The following GRAMD1C variants were observed in gnomAD, a reference collection of about 807,000 sequenced individuals.
GRAMD1C encodes GRAM domain containing 1C.
A neutral mutation model predicts 97.8 loss-of-function variants in GRAMD1C; 89 were observed. The observed-to-expected ratio is 0.91, with a 90% CI of 0.77 to 1.09. The LOEUF (loss-of-function observed/expected upper bound fraction) is 1.09. Among genes scored for constraint, GRAMD1C ranks in the 50% least tolerant of loss-of-function variants. The pLI is 0.00. For missense variants in GRAMD1C, 740 were observed against 766.4 expected (o/e 0.97, Z 0.41); for synonymous variants, 256 against 267.0 (o/e 0.96, Z 0.40).
rs1016591424 is a variant in GRAMD1C, at chr3:113,871,403, C to T, written c.259+1812C>T. Among the ~76,000 whole-genome samples, 21 of 151,898 alleles carry T rather than the reference C, an allele frequency of 1.4e-4. No individual in the cohort carries two copies. The Middle Eastern group carries it at 0.014, about 98-fold the overall frequency. ...TTTATTTAGGTTGGGTGTGGTGGCT[C>T]ATGCCTGTAATCCCAACACTTTGGG... On this transcript the variant is annotated intron_variant, in intron 3 of 17. Coordinates refer to ENST00000358160, the MANE Select transcript of GRAMD1C (RefSeq NM_017577.5).
Position 113,934,468 on chromosome 3 carries a change from G to T in GRAMD1C, c.1389G>T (p.Trp463Cys). ...ATTTGAAATACAGAAAACAGCCATG[G>T]GGCCTTGTCAAATCTTTAATTGAAA... is the stretch of plus-strand genomic sequence containing the variant. ...STDLKYRKQP[W>C]GLVKSLIEKN... is the part of the protein sequence containing the mutation. The change falls in exon 13 of 18, where the codon TGG becomes TGT. Residue 463 changes from tryptophan (W) to cysteine (C), a missense_variant. Coordinates refer to ENST00000358160, the MANE Select transcript of GRAMD1C (RefSeq NM_017577.5). 1 of 1,579,956 alleles carries T rather than the reference G, an allele frequency of 6.3e-7. No homozygotes were observed. The highest frequency in any genetic ancestry group is 1.7e-5 in the Admixed American group (1 of 57,920).
intron 6 of GRAMD1C, chr3:113,885,340 G>C (rs1037169633): frequency 1.3e-6 from 2 of 1,591,590 alleles, no homozygotes; most frequent in African/African-American, 1.3e-5. Flanking sequence ...CACGTTCGTG[G>C]CCTTCGCTGC....
chr3:113,940,184 T>C, intron 16 of GRAMD1C, 56 bp from the exon 17 acceptor site: 1 of 1,097,124 alleles, frequency 9.1e-7, no homozygotes, highest in Admixed American at 1.9e-5. Context: ...TTTCTGGAAA[T>C]GAAAAAAAGA....
intron 6 of GRAMD1C, among the ~76,000 whole-genome samples, chr3:113,899,176 C>G (rs1936049288): frequency 6.6e-6 from 1 of 152,156 alleles, no homozygotes; most frequent in Non-Finnish European, 1.5e-5. Flanking sequence ...GGCTGATAGA[C>G]TACTGACTTC....
intron 2 of GRAMD1C, among the ~76,000 whole-genome samples, chr3:113,867,600 CTTCCT>C (rs1368775758): frequency 6.6e-6 from 1 of 152,178 alleles, no homozygotes; most frequent in Non-Finnish European, 1.5e-5. Context: ...CAGGCTCGGA[CTTCCT>C]TTAGTATTTC....
chr3:113,877,076 G>T (rs955089476), intron 5 of GRAMD1C, among the ~76,000 whole-genome samples: 2 of 152,086 alleles, frequency 1.3e-5, no homozygotes, highest in African/African-American at 4.8e-5. Flanking sequence ...TCGAGCATTT[G>T]GGTCATGCGA....
chr3:113,923,050 T>G, intron 10 of GRAMD1C, among the ~76,000 whole-genome samples: 1 of 152,072 alleles, frequency 6.6e-6, no homozygotes, highest in Non-Finnish European at 1.5e-5. Context: ...ACGAATGGGA[T>G]TGTGATCTCG....
chr3:113,875,277 A>G (rs895957248), intron 3 of GRAMD1C, among the ~76,000 whole-genome samples: 21 of 152,106 alleles, frequency 1.4e-4, no homozygotes, highest in African/African-American at 4.8e-4. Context: ...CTTCCCTTAC[A>G]TTGTGTTCCA....
intron 10 of GRAMD1C, among the ~76,000 whole-genome samples, chr3:113,927,161 T>C (rs116577904): frequency 6.6e-6 from 1 of 151,966 alleles, no homozygotes; most frequent in African/African-American, 2.4e-5. Context: ...TAGTAGGTAG[T>C]GTTTAAGAGT....
chr3:113,840,476 C>T (rs1367562168), intron 1 of GRAMD1C, among the ~76,000 whole-genome samples: 1 of 151,932 alleles, frequency 6.6e-6, no homozygotes, highest in East Asian at 1.9e-4. Flanking sequence ...GTGGCTCATG[C>T]CTGTAATTCT....
At chr3:113,875,093 A>G (rs1162789795) in intron 3 of GRAMD1C, among the ~76,000 whole-genome samples, 2 of 151,960 alleles carry the variant, frequency 1.3e-5, no homozygotes, top group East Asian at 3.9e-4. Context: ...CTGTTCCCTT[A>G]TGATCCTTCT....
At chr3:113,877,482 C>A (rs749258594) in intron 5 of GRAMD1C, among the ~76,000 whole-genome samples, 1 of 152,132 alleles carries the variant, frequency 6.6e-6, no homozygotes, top group Non-Finnish European at 1.5e-5. Flanking sequence ...AGAGCTCTTT[C>A]GTCTTTTCTT....
At chr3:113,851,693 T>G (rs962813944) in intron 2 of GRAMD1C, among the ~76,000 whole-genome samples, 1 of 151,048 alleles carries the variant, frequency 6.6e-6, no homozygotes, top group Non-Finnish European at 1.5e-5. Flanking sequence ...AATTTTTGTA[T>G]TTTTAGTAGA....
upstream of GRAMD1C, among the ~76,000 whole-genome samples, chr3:113,836,627 T>C (rs978587816): frequency 9.3e-5 from 14 of 151,052 alleles, no homozygotes; most frequent in African/African-American, 3.2e-4. Flanking sequence ...TAGCCACAAG[T>C]TATTATTATT....
Position 113,838,834 on chromosome 3 carries a change from C to G in GRAMD1C, c.-76C>G, listed in dbSNP as rs1709687292. The G allele has an allele frequency of 9.1e-7, 1 of 1,098,650 alleles. No individual in the cohort carries two copies. Among genetic ancestry groups the G allele is most frequent in the Non-Finnish European group, 1.2e-6 (1 of 868,676 alleles). The allele number at this position is 1,098,650 out of a possible 1,614,324, so 68.1% of individuals were successfully genotyped here. On this transcript the variant is annotated 5_prime_UTR_variant, in exon 1 of 18. Coordinates refer to ENST00000358160, the MANE Select transcript of GRAMD1C (RefSeq NM_017577.5). ...GGCGCGCGGAGCCTGTAACTCGCAG[C>G]GCGCGCTGGAGGTGGGCGCGGGGCG...
chr3:113,867,702 A>G (rs1388232810), intron 2 of GRAMD1C, among the ~76,000 whole-genome samples: 2 of 151,984 alleles, frequency 1.3e-5, no homozygotes, highest in African/African-American at 4.8e-5. Flanking sequence ...TGATGAGTCA[A>G]TTTTTTTCTT....
intron 10 of GRAMD1C, among the ~76,000 whole-genome samples, chr3:113,922,815 TGTTATTGGTAG>T (rs1431844029): frequency 6.6e-6 from 1 of 152,214 alleles, no homozygotes; most frequent in Non-Finnish European, 1.5e-5. Context: ...CTGTGAAGAA[TGTTATTGGTAG>T]TTTGAGAGGA....
intron 6 of GRAMD1C, among the ~76,000 whole-genome samples, chr3:113,886,611 A>C (rs888770279): frequency 6.6e-6 from 1 of 151,758 alleles, no homozygotes; most frequent in African/African-American, 2.4e-5. Flanking sequence ...TTTAAACCAC[A>C]CATTATAACT....
chr3:113,844,017 T>C (rs747240483), intron 1 of GRAMD1C, among the ~76,000 whole-genome samples: 204 of 152,374 alleles, frequency 1.3e-3, no homozygotes, highest in Non-Finnish European at 2.2e-3. Context: ...ATTGTTCCTC[T>C]AGCAGACTGT....
Sources: gnomAD v4.1 joint callset for allele counts (sites outside exome capture counted in the v4.1 genomes callset) on GRCh38, gnomAD v4.1.1 for gene constraint, MANE v1.5 for transcripts, NCBI Gene and HGNC (gene_info 2026-07-23, HGNC 2026-07-21) for gene names.